HLA-DMB: variants seen among roughly 807,000 people sequenced by gnomAD.
The protein encoded by HLA-DMB is HLA class II histocompatibility antigen, DM beta chain.
A neutral mutation model predicts 29.3 loss-of-function variants in HLA-DMB; 18 were observed. That is an observed-to-expected ratio of 0.62 (90% CI 0.43 to 0.91). The LOEUF (loss-of-function observed/expected upper bound fraction) is 0.91. Ranked by LOEUF, HLA-DMB falls within the 40% of genes least tolerant of loss-of-function variation. The probability of loss-of-function intolerance (pLI) is 0.00; values close to 1 mark genes in which losing one functional copy is unlikely to be tolerated. For synonymous variants in HLA-DMB, 143 were observed against 128.7 expected, an observed-to-expected ratio of 1.11 and a Z score of -0.75; for missense variants, 258 against 320.9, an observed-to-expected ratio of 0.80 and a Z score of 1.50.
chr6:32,939,956 T>C (rs1014157820), intron 1 of HLA-DMB, among the ~76,000 whole-genome samples: 9 of 152,064 alleles, frequency 5.9e-5, no homozygotes, highest in African/African-American at 2.2e-4. Context: ...TCTTTAACCT[T>C]TGGTGTCTAT....
chr6:32,935,384 G>A lies in HLA-DMB; in HGVS notation c.740-7C>T. On this transcript the variant is annotated splice_polypyrimidine_tract_variant and splice_region_variant and intron_variant, in intron 4 of 5. Coordinates refer to ENST00000418107, the MANE Select transcript of HLA-DMB (RefSeq NM_002118.5). ...CCAGGAAGAGGAGTGTAACCTAAGAGAGGAAGATACTTGATTATACCAGTC... is the reference window on the plus strand; with the variant it reads ...CCAGGAAGAGGAGTGTAACCTAAGAAAGGAAGATACTTGATTATACCAGTC... 6.2e-7 allele frequency: 1 copy of A among 1,606,656 alleles called. No homozygotes were observed. Among genetic ancestry groups the A allele is most frequent in the Non-Finnish European group, 8.5e-7 (1 of 1,174,196 alleles).
intron 5 of HLA-DMB, 38 bp downstream of exon 5, chr6:32,935,304 A>G: frequency 3.8e-6 from 6 of 1,572,118 alleles, no homozygotes; most frequent in Non-Finnish European, 5.3e-6. Flanking sequence ...CACCCCTACC[A>G]AAGGGCAAGT....
chr6:32,938,711 A>C lies in HLA-DMB; in HGVS notation c.310T>G (p.Phe104Val). Residue 104 changes from phenylalanine (F) to valine (V), a missense_variant, in exon 2 of 6, where the codon TTC becomes GTC. Physicochemically the swap from Phe to Val is conservative, Grantham distance 50 (BLOSUM62 -1). Coordinates refer to ENST00000418107, the MANE Select transcript of HLA-DMB (RefSeq NM_002118.5). ...LQNCATHTQPFWGSLTNRTRP... is the reference protein window; with the variant it reads ...LQNCATHTQPVWGSLTNRTRP... ...GTCCTGTTGGTCAGTGATCCCCAGA[A>C]GGGCTGGGTGTGTGTGGCACAATTC... The C allele has an allele frequency of 6.5e-7, 1 of 1,540,356 alleles. No individual in the cohort carries two copies. Among genetic ancestry groups the C allele is most frequent in the Non-Finnish European group, 8.8e-7 (1 of 1,140,588 alleles).
At chr6:32,938,385 G>C (rs1776131102) in intron 2 of HLA-DMB, 1 of 352,292 alleles carries the variant, frequency 2.8e-6, no homozygotes, top group Non-Finnish European at 5.1e-6. Context: ...ATCAAAATCT[G>C]GGATAACAAG....
intron 3 of HLA-DMB, 115 bp from the exon 4 acceptor site, chr6:32,935,767 G>A: frequency 1.5e-6 from 1 of 687,550 alleles, no homozygotes; most frequent in Admixed American, 2.5e-5. Context: ...AGCTCCAAGG[G>A]TCTAGCTCAC....
Position 32,934,985 on chromosome 6 carries a change from A to T in HLA-DMB, c.778T>A (p.Trp260Arg). The change falls in exon 6 of 6, where the codon TGG becomes AGG. Residue 260 changes from tryptophan to arginine, a missense_variant and splice_region_variant. Trp to Arg is a moderately radical substitution (Grantham distance 101, BLOSUM62 -3). Coordinates refer to ENST00000418107, the MANE Select transcript of HLA-DMB (RefSeq NM_002118.5). ...GGATTCTGCCTCTAGGAAATGTGCC[A>T]TCCTACAGAATAAATAAAAGGGAGA... ...PLPGSNYSEG[W>R]HIS The T allele has an allele frequency of 6.2e-7, 1 of 1,612,890 alleles. No individual in the cohort carries two copies. Among genetic ancestry groups the T allele is most frequent in the South Asian group, 1.1e-5 (1 of 91,054 alleles).
intron 1 of HLA-DMB, among the ~76,000 whole-genome samples, chr6:32,940,147 C>A (rs190372625): frequency 6.6e-6 from 1 of 151,950 alleles, no homozygotes; most frequent in East Asian, 1.9e-4. Context: ...AGAACCTAAG[C>A]CTTGGTGACA....
At chr6:32,940,021 T>C (rs1362448202) in intron 1 of HLA-DMB, among the ~76,000 whole-genome samples, 1 of 147,590 alleles carries the variant, frequency 6.8e-6, no homozygotes, top group Non-Finnish European at 1.5e-5. Flanking sequence ...CCAGCTAATA[T>C]AGGAGAATTG....
intron 2 of HLA-DMB, chr6:32,938,380 A>T: frequency 2.9e-6 from 1 of 346,240 alleles, no homozygotes; most frequent in Non-Finnish European, 5.2e-6. Context: ...GGAACATCAA[A>T]ATCTGGGATA....
At position 32,938,544 on chromosome 6, in the gene HLA-DMB, C is replaced by T. The variant is rs114032390; in HGVS notation, c.337+140G>A. On this transcript the variant is annotated intron_variant, in intron 2 of 5. Coordinates refer to ENST00000418107, the MANE Select transcript of HLA-DMB (RefSeq NM_002118.5). ...TTGTTCCCCTTGAGGTTCAATCCTCCGTCTTTCTACATTTCAGATCCACAC... is the reference window on the plus strand; with the variant it reads ...TTGTTCCCCTTGAGGTTCAATCCTCTGTCTTTCTACATTTCAGATCCACAC... The T allele has an allele frequency of 6.0e-3, 5,166 of 855,840 alleles. 29 individuals are homozygous for T. Among genetic ancestry groups the T allele is most frequent in the African/African-American group, 0.016 (895 of 57,136 alleles). The allele number at this position is 855,840 out of a possible 1,614,324, so 53.0% of individuals were successfully genotyped here. A position where few individuals can be genotyped will look rare whatever the true frequency, so the allele number is the denominator to read the frequency against.
rs143112264 is a variant in HLA-DMB at position 32,938,712 on chromosome 6, G to C, written c.309C>G (p.Pro103=). ...GLQNCATHTQ[P]FWGSLTNRTR... ...TCCTGTTGGTCAGTGATCCCCAGAA[G>C]GGCTGGGTGTGTGTGGCACAATTCT... is the stretch of plus-strand genomic sequence containing the variant. Residue 103 remains proline, a synonymous_variant, in exon 2 of 6, where the codon CCC becomes CCG. Coordinates refer to ENST00000418107, the MANE Select transcript of HLA-DMB (RefSeq NM_002118.5). 68 of 1,543,074 alleles carry C rather than the reference G, an allele frequency of 4.4e-5. No homozygotes were observed. Among genetic ancestry groups the C allele is most frequent in the Non-Finnish European group, 5.7e-5 (65 of 1,142,094 alleles).
chr6:32,937,103 A>G lies in HLA-DMB; in HGVS notation c.622+69T>C. Reference sequence around the variant, plus strand: ...TTCAGCACTTCGCTGTCTACCATGTACCATGTATCGATCCACATCTCATTT... The same window carrying G: ...TTCAGCACTTCGCTGTCTACCATGTGCCATGTATCGATCCACATCTCATTT... On this transcript the variant is annotated intron_variant, in intron 3 of 5. Transcript: ENST00000418107. This position sits in a 1 kb window ranked among gnomAD's most constrained non-coding sequence, Gnocchi z 4.1. The G allele has an allele frequency of 7.2e-7, 1 of 1,388,008 alleles. No individual in the cohort carries two copies. The highest frequency in any genetic ancestry group is 9.9e-7 in the Non-Finnish European group (1 of 1,011,384). 86.0% of individuals were successfully genotyped at this position (1,388,008 alleles called of 1,614,324 possible).
At chr6:32,935,513 T>A (rs982742100) in intron 4 of HLA-DMB, 23 bp downstream of exon 4, 1 of 1,581,228 alleles carries the variant, frequency 6.3e-7, no homozygotes, top group African/African-American at 1.3e-5. Flanking sequence ...AGAGTGGGGA[T>A]GGGAGTTCAG....
rs770166673 is a variant in HLA-DMB at position 32,938,718 on chromosome 6, G to T, written c.303C>A (p.Thr101=). ...RNGLQNCATH[T]QPFWGSLTNR... ...TGGTCAGTGATCCCCAGAAGGGCTG[G>T]GTGTGTGTGGCACAATTCTGAAGCC... The change falls in exon 2 of 6, where the codon ACC becomes ACA. Residue 101 remains threonine, a synonymous_variant. Transcript: ENST00000418107. 2 of 1,563,678 alleles carry T rather than the reference G, an allele frequency of 1.3e-6. No homozygotes were observed. Among genetic ancestry groups the T allele is most frequent in the East Asian group, 4.9e-5 (2 of 41,200 alleles).
rs111943650 is a variant in HLA-DMB, at chr6:32,937,426, G to A, written c.368C>T (p.Thr123Ile). The change falls in exon 3 of 6, where the codon ACT becomes ATT. Residue 123 changes from threonine (T) to isoleucine (I), a missense_variant. Thr to Ile is a moderately conservative substitution (Grantham distance 89). Transcript: ENST00000418107. The surrounding 1 kb of genome is among the most constrained non-coding windows in gnomAD (Gnocchi z 4.1). ...RPPSVQVAKT[T>I]PFNTREPVML... ...CACAGGCTCCCTCGTGTTAAAAGGA[G>A]TGGTTTTGGCTACTTGCACAGATGG... 6.2e-7 allele frequency: 1 copy of A among 1,614,160 alleles called. No individual in the cohort carries two copies. The highest frequency in any genetic ancestry group is 1.1e-5 in the South Asian group (1 of 91,080).
intron 1 of HLA-DMB, among the ~76,000 whole-genome samples, chr6:32,940,273 T>G (rs796714533): frequency 2.0e-5 from 3 of 152,266 alleles, no homozygotes; most frequent in African/African-American, 7.2e-5. Context: ...GATAAGTTTT[T>G]AGATCCAGTC....
Position 32,937,336 on chromosome 6 carries a change from C to G in HLA-DMB, c.458G>C (p.Gly153Ala). Residue 153 changes from glycine (G) to alanine (A), a missense_variant, in exon 3 of 6, where the codon GGG becomes GCG. Transcript: ENST00000418107. The surrounding 1 kb of genome is among the most constrained non-coding windows in gnomAD (Gnocchi z 4.1). Reference protein sequence around the residue: ...AEVTITWRKNGKLVMPHSSAH... With the variant: ...AEVTITWRKNAKLVMPHSSAH... ...ACTGCTGTGAGGCATGACAAGCTTC[C>G]CGTTCTTCCTCCACGTGATAGTCAC... 1 of 1,614,186 alleles carries G rather than the reference C, an allele frequency of 6.2e-7. No individual in the cohort carries two copies. The highest frequency in any genetic ancestry group is 1.1e-5 in the South Asian group (1 of 91,080).
At position 32,937,626 on chromosome 6, in the gene HLA-DMB, A is replaced by T. The variant is rs1254482430; in HGVS notation, c.338-170T>A. The T allele has an allele frequency of 5.0e-6, 3 of 599,892 alleles. No individual in the cohort carries two copies. The African/African-American group carries it at 5.6e-5, about 11-fold the overall frequency. The allele number at this position is 599,892 out of a possible 1,614,324, so 37.2% of individuals were successfully genotyped here. On this transcript the variant is annotated intron_variant, in intron 2 of 5. Coordinates refer to ENST00000418107, the MANE Select transcript of HLA-DMB (RefSeq NM_002118.5). This position sits in a 1 kb window ranked among gnomAD's most constrained non-coding sequence, Gnocchi z 4.1. ...GGGAACCGTTAGAATGTATTCCTGC[A>T]TTACTCTTTCTTCTCTCCCATTCCT...
intron 1 of HLA-DMB, among the ~76,000 whole-genome samples, chr6:32,940,054 A>C (rs988463797): frequency 9.2e-5 from 14 of 152,114 alleles, no homozygotes; most frequent in Admixed American, 3.9e-4. Context: ...AAAAAAAAAA[A>C]AAAAACCTCA....
Sources: allele counts gnomAD v4.1 joint callset (sites outside exome capture counted in the v4.1 genomes callset), GRCh38; gene constraint gnomAD v4.1.1; non-coding constraint Gnocchi (gnomAD v3.1); transcripts MANE v1.5; gene names NCBI Gene and HGNC (gene_info 2026-07-23, HGNC 2026-07-21).